Variants in ITGA11 observed in about 807,000 individuals in gnomAD.
The protein encoded by ITGA11 is integrin alpha-11.
ITGA11 carries 97 observed loss-of-function variants against 141.9 expected under a neutral mutation model. The observed-to-expected ratio is 0.68, with a 90% CI of 0.58 to 0.81. The LOEUF (loss-of-function observed/expected upper bound fraction) is 0.81, where lower values mean the gene tolerates loss of function less well. Among genes scored for constraint, ITGA11 ranks in the 30% least tolerant of loss-of-function variants. ITGA11 has a pLI of 0.00. For synonymous variants in ITGA11, 658 were observed against 624.6 expected (o/e 1.05, Z -0.80); for missense variants, 1,387 against 1,559.2 (o/e 0.89, Z 1.86).
chr15:68,317,484 A>T (rs1009275244), intron 20 of ITGA11, 121 bp from the exon 21 acceptor site: 2 of 729,104 alleles, frequency 2.7e-6, no homozygotes, highest in African/African-American at 1.7e-5. Flanking sequence ...CCTGATACCC[A>T]TATGAAAGCC....
At chr15:68,318,665 G>A (rs1441078362) in intron 20 of ITGA11, among the ~76,000 whole-genome samples, 1 of 152,022 alleles carries the variant, frequency 6.6e-6, no homozygotes, top group African/African-American at 2.4e-5. Context: ...TCCTGGGGTG[G>A]CCTCCCTCCA....
intron 2 of ITGA11, among the ~76,000 whole-genome samples, chr15:68,371,751 A>T (rs1425036654): frequency 6.6e-6 from 1 of 152,066 alleles, no homozygotes; most frequent in African/African-American, 2.4e-5. Context: ...GCACCGAGAA[A>T]CAGAAGGGGC....
intron 5 of ITGA11, 92 bp from the exon 6 acceptor site, chr15:68,358,677 A>G: frequency 1.5e-6 from 2 of 1,348,196 alleles, no homozygotes; most frequent in African/African-American, 1.5e-5. Context: ...CAAATGAATG[A>G]CTCTGCTCCA....
intron 19 of ITGA11, among the ~76,000 whole-genome samples, chr15:68,320,694 C>T (rs1363946262): frequency 6.6e-6 from 1 of 152,214 alleles, no homozygotes; most frequent in African/African-American, 2.4e-5. Context: ...TCATGTTTCC[C>T]TTTTGGCCTT....
chr15:68,339,381 G>A, intron 11 of ITGA11, 119 bp downstream of exon 11: 1 of 1,195,522 alleles, frequency 8.4e-7, no homozygotes, highest in Non-Finnish European at 1.2e-6. Flanking sequence ...TTGGGTGCTT[G>A]AATCAGCCCA....
chr15:68,316,077 T>TCCTTGATGG (rs1267317310), intron 21 of ITGA11, among the ~76,000 whole-genome samples: 85 of 152,230 alleles, frequency 5.6e-4, no homozygotes, highest in African/African-American at 2.0e-3. Context: ...AGGGTAGGGG[T>TCCTTGATGG]CCTTGATGGC....
Position 68,361,608 on chromosome 15 carries a change from C to A in ITGA11, c.454G>T (p.Val152Leu). The A allele has an allele frequency of 6.2e-7, 1 of 1,606,344 alleles. No individual in the cohort carries two copies. Residue 152 changes from valine to leucine, a missense_variant, in exon 5 of 30, where the codon GTG (valine) becomes TTG (leucine). Transcript: ENST00000315757. Reference protein sequence around the residue: ...VNSNFRFSKTVAPALQRCQTY... With the variant: ...VNSNFRFSKTLAPALQRCQTY... ...CACTTACTTTGGAGAGCTGGGGCCA[C>A]GGTCTTGGAGAACCTGAAGTTGGAG...
In ITGA11 at chr15:68,297,444, T is replaced by G. The variant is rs1463362149; in HGVS notation, c.*5615A>C. On this transcript the variant is annotated 3_prime_UTR_variant, in exon 30 of 30. Transcript: ENST00000315757. ...CTGCACTTCTGAGCTTTTTTTTTTTTTTTTTTTTTATCCAAAAGAAAGCTA... is the reference window on the plus strand; with the variant it reads ...CTGCACTTCTGAGCTTTTTTTTTTTGTTTTTTTTTATCCAAAAGAAAGCTA... 4.0e-5 allele frequency: 6 copies of G among 151,370 alleles called. No homozygotes were observed. Among genetic ancestry groups the G allele is most frequent in the Admixed American group, 2.0e-4 (3 of 15,232 alleles). The allele number at this position is 151,370 out of a possible 1,614,324, so 9.4% of individuals were successfully genotyped here.
chr15:68,418,563 A>ACC (rs1265665728), intron 1 of ITGA11, among the ~76,000 whole-genome samples: 3 of 56,786 alleles, frequency 5.3e-5, no homozygotes, highest in African/African-American at 1.4e-4. Context: ...CACTTTCTTT[A>ACC]CCCACCCCCC....
chr15:68,362,672 A>G (rs1005512235), intron 4 of ITGA11, among the ~76,000 whole-genome samples: 4 of 143,738 alleles, frequency 2.8e-5, no homozygotes, highest in Non-Finnish European at 5.9e-5. Context: ...GGATAAATGG[A>G]TGGAAGATGG....
rs773100824 is a variant in ITGA11 at position 68,307,541 on chromosome 15, C to G, written c.3285+45G>C. 1 of 1,539,524 alleles carries G rather than the reference C, an allele frequency of 6.5e-7. No homozygotes were observed. The highest frequency in any genetic ancestry group is 2.3e-5 in the East Asian group (1 of 43,430). On this transcript the variant is annotated intron_variant, in intron 27 of 29. Transcript: ENST00000315757. This position sits in a 1 kb window ranked among gnomAD's most constrained non-coding sequence, Gnocchi z 6.1. ...GGTGGAAGACATCCCAACAGCCGCC[C>G]CCTTTCCCTTCTTCCTTCCAGCCCA...
intron 2 of ITGA11, among the ~76,000 whole-genome samples, chr15:68,376,891 G>A (rs1895743325): frequency 6.6e-6 from 1 of 152,234 alleles, no homozygotes; most frequent in African/African-American, 2.4e-5. Flanking sequence ...GACTCAGCCA[G>A]TGTGGGACAT....
rs188413954 is a variant in ITGA11, at chr15:68,324,599, A to G, written c.2322+532T>C. On this transcript the variant is annotated intron_variant, in intron 18 of 29. Coordinates refer to ENST00000315757, the MANE Select transcript of ITGA11 (RefSeq NM_001004439.2). The surrounding 1 kb of genome is among the most constrained non-coding windows in gnomAD (Gnocchi z 6.3). ...ATGTCAAACATTTTGGATGCCCCAG[A>G]GCCAGGGATTAGAAAATGTGGCTGA... Among the ~76,000 whole-genome samples, 463 of 152,240 alleles carry G rather than the reference A, an allele frequency of 3.0e-3. 1 individual carries two copies. The highest frequency in any genetic ancestry group is 0.011 in the African/African-American group (449 of 41,542).
chr15:68,339,956 C>T (rs1197433619), intron 10 of ITGA11, among the ~76,000 whole-genome samples: 2 of 152,158 alleles, frequency 1.3e-5, no homozygotes, highest in Non-Finnish European at 2.9e-5. Flanking sequence ...CCTTGGGCTT[C>T]AAAACCCTTT....
intron 18 of ITGA11, among the ~76,000 whole-genome samples, chr15:68,323,205 C>T (rs867227508): frequency 3.3e-5 from 5 of 152,142 alleles, no homozygotes; most frequent in South Asian, 2.1e-4. Context: ...TGGTAGCCAG[C>T]GAAGCCATAT....
In ITGA11 at chr15:68,350,642, C is replaced by A; in HGVS notation, c.1035G>T (p.Leu345=). Residue 345 remains leucine, a synonymous_variant, in exon 9 of 30, where the codon CTG becomes CTT. Coordinates refer to ENST00000315757, the MANE Select transcript of ITGA11 (RefSeq NM_001004439.2). ...EAALKDIVDA[L]GDRIFSLEGT... ...CTTCCAGGCTGAAGATTCTGTCCCC[C>A]AGGGCATCGACAATGTCCTTCAAGG... is the stretch of plus-strand genomic sequence containing the variant. The A allele has an allele frequency of 6.2e-7, 1 of 1,613,776 alleles. No homozygotes were observed. The highest frequency in any genetic ancestry group is 8.5e-7 in the Non-Finnish European group (1 of 1,179,772).
At chr15:68,403,476 C>T (rs1338583610) in intron 1 of ITGA11, among the ~76,000 whole-genome samples, 1 of 152,086 alleles carries the variant, frequency 6.6e-6, no homozygotes, top group African/African-American at 2.4e-5. Context: ...TTTCTTGCTC[C>T]CACTCTTGCA....
chr15:68,409,850 C>A (rs533667985), intron 1 of ITGA11, among the ~76,000 whole-genome samples: 1 of 152,174 alleles, frequency 6.6e-6, no homozygotes, highest in Non-Finnish European at 1.5e-5. Context: ...AGCTAGGAAG[C>A]GGCCAGGATG....
At chr15:68,320,005 G>A (rs1453058612) in intron 20 of ITGA11, among the ~76,000 whole-genome samples, 180 bp downstream of exon 20, 2 of 152,048 alleles carry the variant, frequency 1.3e-5, no homozygotes, top group African/African-American at 2.4e-5. Flanking sequence ...GCCCAGGCTG[G>A]CCTCAAACTC....
Sources: allele counts gnomAD v4.1 joint callset (sites outside exome capture counted in the v4.1 genomes callset), GRCh38; gene constraint gnomAD v4.1.1; non-coding constraint Gnocchi (gnomAD v3.1); transcripts MANE v1.5; gene names NCBI Gene and HGNC (gene_info 2026-07-23, HGNC 2026-07-21).